FRMPD4: variants seen among roughly 807,000 people sequenced by gnomAD.
The protein encoded by FRMPD4 is FERM and PDZ domain containing 4.
Under a neutral mutation model 94.1 loss-of-function variants are expected in FRMPD4, and 22 were observed. The ratio of observed to expected loss-of-function variants is 0.23; its 90% confidence interval spans 0.17 to 0.33. The LOEUF (loss-of-function observed/expected upper bound fraction) is 0.33, where lower values mean the gene tolerates loss of function less well. FRMPD4 is among the 10% of genes least tolerant of loss of function. The probability of loss-of-function intolerance (pLI) is 1.00; values close to 1 mark genes in which losing one functional copy is unlikely to be tolerated. For synonymous variants in FRMPD4, 631 were observed against 548.6 expected (o/e 1.15, Z -2.10); for missense variants, 1,111 against 1,339.9 (o/e 0.83, Z 2.67).
At chrX:12,153,796 G>C (rs1159984741) in intron 1 of FRMPD4, among the ~76,000 whole-genome samples, 1 of 112,066 alleles carries the variant, frequency 8.9e-6, no homozygotes, top group African/African-American at 3.2e-5. Flanking sequence ...AAATTCAGTC[G>C]GTTTCCTGTG....
chrX:12,341,753 T>C, intron 1 of FRMPD4: 1 of 229,001 alleles, frequency 4.4e-6, no homozygotes, highest in Non-Finnish European at 8.6e-6. Context: ...AATTTCTATA[T>C]TATTTTATGT....
intron 4 of FRMPD4, among the ~76,000 whole-genome samples, chrX:12,615,966 C>T (rs2059232131): frequency 9.0e-6 from 1 of 110,959 alleles, no homozygotes; most frequent in Admixed American, 9.6e-5. Flanking sequence ...GAGGGTCAAG[C>T]ACTCTTGGAA....
intron 1 of FRMPD4, among the ~76,000 whole-genome samples, chrX:12,375,378 G>A (rs999731077): frequency 5.3e-5 from 6 of 112,282 alleles, no homozygotes; most frequent in Non-Finnish European, 9.4e-5. Flanking sequence ...AGGCTTGTGG[G>A]TCACCACTTC....
chrX:12,271,126 G>T (rs1167308735), intron 1 of FRMPD4, among the ~76,000 whole-genome samples: 3 of 111,989 alleles, frequency 2.7e-5, no homozygotes, highest in African/African-American at 9.7e-5. Flanking sequence ...CCGCCACTCA[G>T]CTATGTAAAC....
chrX:12,127,573 C>T (rs959692176), intron 3 of FRMPD4, among the ~76,000 whole-genome samples: 3 of 111,455 alleles, frequency 2.7e-5, no homozygotes, highest in Admixed American at 1.9e-4. Context: ...GATGGGGACA[C>T]AGCCAAACCA....
intron 1 of FRMPD4, among the ~76,000 whole-genome samples, chrX:12,381,118 G>C (rs889846581): frequency 1.8e-5 from 2 of 111,970 alleles, no homozygotes; most frequent in African/African-American, 6.5e-5. Context: ...CCAGTGATCT[G>C]TCTGACGTCT....
intron 1 of FRMPD4, among the ~76,000 whole-genome samples, chrX:12,222,769 T>C (rs896291094): frequency 8.9e-6 from 1 of 112,444 alleles, no homozygotes; most frequent in Non-Finnish European, 1.9e-5. Context: ...TCTGTTTGGC[T>C]TCTTAGTGTA....
chrX:12,179,234 T>A (rs1242000485), intron 1 of FRMPD4, among the ~76,000 whole-genome samples: 2 of 111,378 alleles, frequency 1.8e-5, no homozygotes, highest in Non-Finnish European at 3.8e-5. Context: ...GCTTAGTCTC[T>A]TAAGACCTAG....
intron 2 of FRMPD4, among the ~76,000 whole-genome samples, chrX:12,548,052 T>C (rs2058496964): frequency 8.9e-6 from 1 of 112,375 alleles, no homozygotes; most frequent in African/African-American, 3.2e-5. Flanking sequence ...ATATATATCC[T>C]TGTTAATTCT....
chrX:11,848,008 T>G (rs1172059670), intron 1 of FRMPD4, among the ~76,000 whole-genome samples: 1 of 105,364 alleles, frequency 9.5e-6, no homozygotes, highest in Non-Finnish European at 1.9e-5. Context: ...ATTGTGCACA[T>G]GTACCCTAAA....
chrX:12,278,046 G>T (rs1416771707), intron 1 of FRMPD4, among the ~76,000 whole-genome samples: 2 of 112,753 alleles, frequency 1.8e-5, no homozygotes, highest in African/African-American at 3.2e-5. Flanking sequence ...ACCTCTGTGT[G>T]AAACACAGAT....
At chrX:12,358,757 G>A (rs904890723) in intron 1 of FRMPD4, among the ~76,000 whole-genome samples, 11 of 111,685 alleles carry the variant, frequency 9.8e-5, no homozygotes, top group African/African-American at 2.9e-4. Flanking sequence ...TTCTCTAAGC[G>A]GAAAAGGGAT....
chrX:12,252,857 A>G (rs1019189587), intron 1 of FRMPD4, among the ~76,000 whole-genome samples: 2 of 111,583 alleles, frequency 1.8e-5, no homozygotes, highest in Non-Finnish European at 3.8e-5. Context: ...ACTGTATTTC[A>G]CTACTTTAGA....
chrX:12,712,534 G>A (rs1184378073), intron 14 of FRMPD4, among the ~76,000 whole-genome samples: 1 of 111,177 alleles, frequency 9.0e-6, no homozygotes, highest in Non-Finnish European at 1.9e-5. Flanking sequence ...AGGTGACAGA[G>A]CAAAACCCTG....
rs943114456 is a variant in FRMPD4 at position 12,718,073 on chromosome X, A to C, written c.3247A>C (p.Arg1083=). 8.3e-7 allele frequency: 1 copy of C among 1,209,443 alleles called. No homozygotes were observed. The highest frequency in any genetic ancestry group is 1.7e-5 in the African/African-American group (1 of 57,214). The stretch of plus-strand genomic sequence containing the variant: ...ACACCTGAGCACTTTTAATCTGGAG[A>C]GAACTGCCTTTCGCAAGGACAGTCA... The part of the protein sequence containing the change: ...SQHLSTFNLE[R]TAFRKDSQRW... Residue 1083 remains arginine, a synonymous_variant, in exon 16 of 17, where the codon AGA becomes CGA. Coordinates refer to ENST00000675598, the MANE Select transcript of FRMPD4 (RefSeq NM_001368397.1).
chrX:11,847,158 G>A (rs1465167903), intron 1 of FRMPD4, among the ~76,000 whole-genome samples: 1 of 110,784 alleles, frequency 9.0e-6, no homozygotes, highest in Non-Finnish European at 1.9e-5. Flanking sequence ...TATCCAGAAT[G>A]TACAATGAAC....
rs186378389 is a variant in FRMPD4 at position 12,300,564 on chromosome X, T to C, written c.41+161552T>C. Among the ~76,000 whole-genome samples, 72 of 112,573 alleles carry C rather than the reference T, an allele frequency of 6.4e-4. 1 individual carries two copies. Among genetic ancestry groups the C allele is most frequent in the African/African-American group, 2.3e-3 (72 of 31,007 alleles). ...CATGTTAGATTTCTTTCAGGATTTCTAATCATGCACTACTCTGTGGTGTTC... is the reference window on the plus strand; with the variant it reads ...CATGTTAGATTTCTTTCAGGATTTCCAATCATGCACTACTCTGTGGTGTTC... On this transcript the variant is annotated intron_variant, in intron 1 of 16. Coordinates refer to ENST00000675598, the MANE Select transcript of FRMPD4 (RefSeq NM_001368397.1).
intron 1 of FRMPD4, among the ~76,000 whole-genome samples, chrX:12,334,932 C>A (rs1178153185): frequency 1.8e-5 from 2 of 110,465 alleles, no homozygotes; most frequent in Admixed American, 1.9e-4. Flanking sequence ...TCATTGCATC[C>A]TCTCAATAAC....
intron 3 of FRMPD4, among the ~76,000 whole-genome samples, chrX:12,058,902 C>T (rs1167122349): frequency 1.8e-5 from 2 of 110,682 alleles, no homozygotes; most frequent in Non-Finnish European, 3.8e-5. Context: ...ACGCAACAGC[C>T]CCCGTATCAA....
Sources: gnomAD v4.1 joint callset for allele counts (sites outside exome capture counted in the v4.1 genomes callset) on GRCh38, gnomAD v4.1.1 for gene constraint, MANE v1.5 for transcripts, NCBI Gene and HGNC (gene_info 2026-07-23, HGNC 2026-07-21) for gene names.